The following PREX2 variants were observed in gnomAD, a reference collection of about 807,000 sequenced individuals.
The protein encoded by PREX2 is phosphatidylinositol-3,4,5-trisphosphate dependent Rac exchange factor 2.
In PREX2, 107 loss-of-function variants were observed where a neutral mutation model predicts 203.2. The ratio of observed to expected loss-of-function variants is 0.53; its 90% confidence interval spans 0.45 to 0.62. The LOEUF is 0.62. Ranked by LOEUF, PREX2 falls within the 20% of genes least tolerant of loss-of-function variation. PREX2 has a pLI of 0.00. For synonymous variants in PREX2, 672 were observed against 663.6 expected (o/e 1.01, Z -0.19); for missense variants, 1,777 against 1,955.9 (o/e 0.91, Z 1.72).
At chr8:68,107,426 C>G (rs1381324904) in intron 23 of PREX2, among the ~76,000 whole-genome samples, 1 of 152,104 alleles carries the variant, frequency 6.6e-6, no homozygotes, top group South Asian at 2.1e-4. Flanking sequence ...TGAATGGAAA[C>G]CCATGGCAAG....
chr8:68,059,388 G>A (rs568529023), intron 10 of PREX2, among the ~76,000 whole-genome samples: 7 of 152,210 alleles, frequency 4.6e-5, no homozygotes, highest in African/African-American at 1.7e-4. Flanking sequence ...CTGCAGTGGT[G>A]ACAGATGTAA....
intron 8 of PREX2, among the ~76,000 whole-genome samples, chr8:68,050,932 G>A (rs1426119511): frequency 6.6e-6 from 1 of 152,138 alleles, no homozygotes; most frequent in Admixed American, 6.6e-5. Context: ...GAACATAGTG[G>A]AAAATAGAAC....
intron 6 of PREX2, among the ~76,000 whole-genome samples, chr8:68,033,671 A>G (rs1461423574): frequency 6.6e-6 from 1 of 152,170 alleles, no homozygotes; most frequent in Non-Finnish European, 1.5e-5. Flanking sequence ...CCGTCTTTAT[A>G]TGACTACACT....
intron 1 of PREX2, among the ~76,000 whole-genome samples, chr8:67,993,576 T>A (rs1196808650): frequency 1.3e-5 from 2 of 151,960 alleles, no homozygotes; most frequent in Non-Finnish European, 2.9e-5. Context: ...CCCAGCTAAT[T>A]TTTGTATTTT....
intron 31 of PREX2, among the ~76,000 whole-genome samples, chr8:68,130,024 T>G (rs1361973991): frequency 6.8e-6 from 1 of 147,992 alleles, no homozygotes; most frequent in African/African-American, 2.5e-5. Flanking sequence ...ATGTTTATAA[T>G]CCCAGCACTT....
chr8:68,008,043 T>C (rs574883609), intron 1 of PREX2, among the ~76,000 whole-genome samples: 13 of 152,318 alleles, frequency 8.5e-5, no homozygotes, highest in Middle Eastern at 3.4e-3. Flanking sequence ...GTCACACATC[T>C]AGTAGTTGGC....
intron 1 of PREX2, among the ~76,000 whole-genome samples, chr8:68,009,132 G>A (rs1807189850): frequency 6.6e-6 from 1 of 151,952 alleles, no homozygotes; most frequent in African/African-American, 2.4e-5. Flanking sequence ...CTTCAGGTTG[G>A]GATCTTCATT....
intron 15 of PREX2, among the ~76,000 whole-genome samples, chr8:68,077,692 A>G (rs896004664): frequency 3.9e-5 from 6 of 152,074 alleles, no homozygotes; most frequent in Non-Finnish European, 7.4e-5. Context: ...CATGACTACT[A>G]TCCTATTTTT....
At chr8:67,962,727 C>G (rs979650774) in intron 1 of PREX2, among the ~76,000 whole-genome samples, 1 of 151,744 alleles carries the variant, frequency 6.6e-6, no homozygotes, top group African/African-American at 2.4e-5. Context: ...ATGCCTCTGT[C>G]TCCCAAATAG....
Position 68,080,730 on chromosome 8 carries a change from A to G in PREX2, c.1786-16A>G. 3 of 1,516,898 alleles carry G rather than the reference A, an allele frequency of 2.0e-6. No individual in the cohort carries two copies. The highest frequency in any genetic ancestry group is 1.8e-6 in the Non-Finnish European group (2 of 1,109,916). 94.0% of individuals were successfully genotyped at this position (1,516,898 alleles called of 1,614,324 possible). A position where few individuals can be genotyped will look rare whatever the true frequency, so the allele number is the denominator to read the frequency against. ...CATAGTTGCTTTATCAATAATGTTAATATTTTGCATTTCAGATTAAATCCA... is the reference window on the plus strand; with the variant it reads ...CATAGTTGCTTTATCAATAATGTTAGTATTTTGCATTTCAGATTAAATCCA... On this transcript the variant is annotated splice_polypyrimidine_tract_variant and intron_variant, in intron 16 of 39. Transcript: ENST00000288368.
At position 68,234,167 on chromosome 8, in the gene PREX2, T is replaced by A. The variant is rs1018601850; in HGVS notation, c.*2789T>A. The A allele has an allele frequency of 6.6e-6, 1 of 152,154 alleles. No individual in the cohort carries two copies. The highest frequency in any genetic ancestry group is 1.9e-4 in the East Asian group (1 of 5,184). 9.4% of individuals were successfully genotyped at this position (152,154 alleles called of 1,614,324 possible). On this transcript the variant is annotated 3_prime_UTR_variant, in exon 40 of 40. Coordinates refer to ENST00000288368, the MANE Select transcript of PREX2 (RefSeq NM_024870.4). ...AACACAGTGGTAAGAGTAAAAAACA[T>A]ACCTAATGGATGAATGAATAATGAC...
intron 7 of PREX2, 103 bp from the exon 8 acceptor site, chr8:68,044,384 T>C (rs986870527): frequency 1.6e-5 from 12 of 741,080 alleles, no homozygotes; most frequent in African/African-American, 1.6e-4. Context: ...ATATTGTCGA[T>C]TGAATTGGTG....
At chr8:68,172,140 T>C (rs988882973) in intron 35 of PREX2, among the ~76,000 whole-genome samples, 2 of 152,210 alleles carry the variant, frequency 1.3e-5, no homozygotes, top group African/African-American at 4.8e-5. Context: ...AGAGTTGTCA[T>C]AGTTGTATGT....
rs367912806 is a variant in PREX2 at position 68,038,193 on chromosome 8, T to A, written c.740T>A (p.Leu247Gln). 1 of 1,613,676 alleles carries A rather than the reference T, an allele frequency of 6.2e-7. No homozygotes were observed. Among genetic ancestry groups the A allele is most frequent in the Non-Finnish European group, 8.5e-7 (1 of 1,179,600 alleles). The change falls in exon 7 of 40, where the codon CTA becomes CAA. Residue 247 changes from leucine to glutamine, a missense_variant. Leu to Gln is a moderately radical substitution (Grantham distance 113). Coordinates refer to ENST00000288368, the MANE Select transcript of PREX2 (RefSeq NM_024870.4). ...SNITDTCTEM[L>Q]MCGVLLKISS... ...ATCACTGACACCTGCACTGAAATGC[T>A]AATGTGTGGAGTCTTACTGAAAATT...
At position 68,146,232 on chromosome 8, in the gene PREX2, G is replaced by A; in HGVS notation, c.4111G>A (p.Glu1371Lys). ...VANVPLTYQA[E>K]GSRQALKVYF... is the part of the protein sequence containing the mutation. ...AGATGTTCCTCTTACATATCAAGCA[G>A]AAGGAAGTCGGCAAGCTCTGAAAGT... The change falls in exon 34 of 40, where the codon GAA becomes AAA. Residue 1371 changes from glutamate (E) to lysine (K), a missense_variant. By Grantham distance (56) the Glu-to-Lys change is moderately conservative. Transcript: ENST00000288368. 1.2e-6 allele frequency: 2 copies of A among 1,609,626 alleles called. No individual in the cohort carries two copies. Among genetic ancestry groups the A allele is most frequent in the Non-Finnish European group, 1.7e-6 (2 of 1,177,242 alleles).
At chr8:68,194,164 A>G (rs1040821246) in intron 37 of PREX2, among the ~76,000 whole-genome samples, 5 of 152,188 alleles carry the variant, frequency 3.3e-5, no homozygotes, top group African/African-American at 4.8e-5. Context: ...TCATTCATTC[A>G]TTATTCATTC....
rs960598091 is a variant in PREX2, at chr8:68,118,542, G to A, written c.3327-8G>A. ...CTCTTACAGTAACATGAAACCTGTT[G>A]TTTTCAGTGACTGCAACAGCAATAG... On this transcript the variant is annotated splice_region_variant and splice_polypyrimidine_tract_variant and intron_variant, in intron 26 of 39. Coordinates refer to ENST00000288368, the MANE Select transcript of PREX2 (RefSeq NM_024870.4). 3 of 1,609,872 alleles carry A rather than the reference G, an allele frequency of 1.9e-6. No homozygotes were observed. The highest frequency in any genetic ancestry group is 1.7e-5 in the Admixed American group (1 of 59,976).
intron 37 of PREX2, among the ~76,000 whole-genome samples, chr8:68,209,554 G>A (rs887057353): frequency 1.3e-5 from 2 of 152,070 alleles, no homozygotes; most frequent in African/African-American, 4.8e-5. Context: ...TTCCCCAGGG[G>A]AATTGAATCC....
At chr8:68,049,117 CTTTTTTTT>C (rs3056658) in intron 8 of PREX2, among the ~76,000 whole-genome samples, 4 of 116,180 alleles carry the variant, frequency 3.4e-5, no homozygotes, top group African/African-American at 1.2e-4. Context: ...CAATTAGAAT[CTTTTTTTT>C]TTTTTTTTTT....
Sources: gnomAD v4.1 joint callset for allele counts (sites outside exome capture counted in the v4.1 genomes callset) on GRCh38, gnomAD v4.1.1 for gene constraint, MANE v1.5 for transcripts, NCBI Gene and HGNC (gene_info 2026-07-23, HGNC 2026-07-21) for gene names.